Variants in ZNF827 observed in about 807,000 individuals in gnomAD.
The protein encoded by ZNF827 is zinc finger protein 827.
In ZNF827, 13 loss-of-function variants were observed where a neutral mutation model predicts 102.4. The observed-to-expected ratio is 0.13, with a 90% CI of 0.08 to 0.20. The LOEUF is 0.20. ZNF827 is among the 10% of genes least tolerant of loss of function. The pLI, the probability that ZNF827 is intolerant of heterozygous loss-of-function variation, is 1.00. For synonymous variants in ZNF827, 523 were observed against 536.2 expected (o/e 0.98, Z 0.34); for missense variants, 1,103 against 1,344.4 (o/e 0.82, Z 2.81).
chr4:145,851,804 A>G (rs979434014), intron 5 of ZNF827, among the ~76,000 whole-genome samples: 9 of 152,168 alleles, frequency 5.9e-5, no homozygotes. Context: ...AAATTTTTTT[A>G]AATAAAAAAA....
At chr4:145,809,713 C>T (rs1741829483) in intron 8 of ZNF827, among the ~76,000 whole-genome samples, 1 of 152,206 alleles carries the variant, frequency 6.6e-6, no homozygotes, top group Non-Finnish European at 1.5e-5. Context: ...CCCACCCAGA[C>T]CCATGACTCA....
At chr4:145,906,127 A>G (rs112824516) in intron 1 of ZNF827, among the ~76,000 whole-genome samples, 26 of 152,382 alleles carry the variant, frequency 1.7e-4, no homozygotes, top group Middle Eastern at 3.4e-3. Context: ...ACGACCACGT[A>G]GAGCTAATGC....
At chr4:145,825,685 A>T (rs1312857566) in intron 7 of ZNF827, among the ~76,000 whole-genome samples, 1 of 152,196 alleles carries the variant, frequency 6.6e-6, no homozygotes, top group Admixed American at 6.5e-5. Flanking sequence ...CTTGCTAAGT[A>T]GTGGCAATGG....
intron 1 of ZNF827, among the ~76,000 whole-genome samples, chr4:145,916,687 C>T (rs1333106673): frequency 6.6e-6 from 1 of 152,164 alleles, no homozygotes; most frequent in Non-Finnish European, 1.5e-5. Flanking sequence ...GGCTGAGAAT[C>T]CTTCAAATTC....
chr4:145,901,583 T>C (rs187915200), intron 2 of ZNF827, among the ~76,000 whole-genome samples: 7 of 152,344 alleles, frequency 4.6e-5, no homozygotes, highest in Admixed American at 2.6e-4. Context: ...GACAATCTTT[T>C]TGAGTTCTTA....
chr4:145,902,751 C>G lies in ZNF827; in HGVS notation c.508G>C (p.Ala170Pro), dbSNP rs1338567552. The change falls in exon 2 of 15, where the codon GCC becomes CCC. Residue 170 changes from alanine to proline, a missense_variant. This residue lies in a region of ZNF827 where 441 missense variants were observed against 458.6 expected (regional missense o/e 0.96). Coordinates refer to ENST00000508784, the MANE Select transcript of ZNF827 (RefSeq NM_001306215.2). The surrounding 1 kb of genome is among the most constrained non-coding windows in gnomAD (Gnocchi z 4.3). ...SHHAQQLSVLARKLAEKQEQN... is the reference protein window; with the variant it reads ...SHHAQQLSVLPRKLAEKQEQN... ...TCCTGCTTCTCGGCCAACTTCCTGG[C>G]CAGAACACTGAGCTGCTGGGCGTGG... The G allele has an allele frequency of 2.5e-6, 4 of 1,614,068 alleles. No homozygotes were observed. The highest frequency in any genetic ancestry group is 3.4e-6 in the Non-Finnish European group (4 of 1,180,018).
chr4:145,770,628 A>G (rs1425151168), intron 11 of ZNF827, among the ~76,000 whole-genome samples: 1 of 151,994 alleles, frequency 6.6e-6, no homozygotes, highest in Non-Finnish European at 1.5e-5. Context: ...AATACTTTGT[A>G]TTTTCCCATG....
chr4:145,930,282 A>AT (rs1753706225), intron 1 of ZNF827, among the ~76,000 whole-genome samples: 1 of 152,148 alleles, frequency 6.6e-6, no homozygotes, highest in Non-Finnish European at 1.5e-5. Flanking sequence ...GTAAAAGATC[A>AT]TTTTTTCCTG....
chr4:145,809,561 T>A (rs1741813044), intron 8 of ZNF827, among the ~76,000 whole-genome samples: 2 of 152,212 alleles, frequency 1.3e-5, no homozygotes, highest in Admixed American at 6.5e-5. Context: ...GTTTCTATAA[T>A]CCCTTACTGC....
intron 3 of ZNF827, among the ~76,000 whole-genome samples, chr4:145,888,368 A>G (rs1579483945): frequency 6.6e-6 from 1 of 152,178 alleles, no homozygotes; most frequent in East Asian, 1.9e-4. Flanking sequence ...TTCTTAGTCT[A>G]CTAAAATGAA....
At chr4:145,851,682 T>TA (rs933748009) in intron 5 of ZNF827, among the ~76,000 whole-genome samples, 8 of 152,172 alleles carry the variant, frequency 5.3e-5, no homozygotes, top group Admixed American at 5.2e-4. Flanking sequence ...GTGTGGTATT[T>TA]ACTTTAGATC....
In ZNF827 at chr4:145,815,750, G is replaced by T. The variant is rs1296779234; in HGVS notation, c.2383+7672C>A. On this transcript the variant is annotated intron_variant, in intron 8 of 14. Coordinates refer to ENST00000508784, the MANE Select transcript of ZNF827 (RefSeq NM_001306215.2). ...TTAGCCAGTCCCAAACTGAAGCCAGGGTCACTGCATTGCAATTTTCAAACA... is the reference window on the plus strand; with the variant it reads ...TTAGCCAGTCCCAAACTGAAGCCAGTGTCACTGCATTGCAATTTTCAAACA... Among the ~76,000 whole-genome samples, 4 of 152,192 alleles carry T rather than the reference G, an allele frequency of 2.6e-5. No homozygotes were observed. In the East Asian group the frequency reaches 7.7e-4, roughly 29 times the overall value.
At chr4:145,937,558 C>T (rs896875776) in intron 1 of ZNF827, among the ~76,000 whole-genome samples, 6 of 146,914 alleles carry the variant, frequency 4.1e-5, no homozygotes, top group African/African-American at 1.5e-4. Context: ...GCCCCCCGCC[C>T]GGCCGCCCCG....
chr4:145,918,353 A>C (rs1432589785), intron 1 of ZNF827, among the ~76,000 whole-genome samples: 1 of 149,732 alleles, frequency 6.7e-6, no homozygotes, highest in Non-Finnish European at 1.5e-5. Flanking sequence ...AAAAAAAAAA[A>C]AAAAAACTGG....
rs1270669131 is a variant in ZNF827 at position 145,842,728 on chromosome 4, C to G, written c.2279+3228G>C. Among the ~76,000 whole-genome samples, 3 of 152,188 alleles carry G rather than the reference C, an allele frequency of 2.0e-5. No homozygotes were observed. In the East Asian group the frequency reaches 5.8e-4, roughly 29 times the overall value. On this transcript the variant is annotated intron_variant, in intron 7 of 14. Transcript: ENST00000508784. ...TGAGAAAGGCAAGGGAAGGTTTGATCTCAGTGCTGTGCTCAGGCCTGCCCT... is the reference window on the plus strand; with the variant it reads ...TGAGAAAGGCAAGGGAAGGTTTGATGTCAGTGCTGTGCTCAGGCCTGCCCT...
At chr4:145,900,274 T>A (rs1751309573) in intron 2 of ZNF827, among the ~76,000 whole-genome samples, 1 of 152,226 alleles carries the variant, frequency 6.6e-6, no homozygotes, top group Non-Finnish European at 1.5e-5. Flanking sequence ...AAGTCTTCAA[T>A]CAACTAAAGT....
At chr4:145,826,223 A>G (rs1008045811) in intron 7 of ZNF827, among the ~76,000 whole-genome samples, 11 of 152,260 alleles carry the variant, frequency 7.2e-5, no homozygotes, top group African/African-American at 1.2e-4. Context: ...TGGACAATCA[A>G]TAACCCCTCT....
intron 7 of ZNF827, among the ~76,000 whole-genome samples, chr4:145,840,143 T>G (rs1281265088): frequency 2.0e-5 from 3 of 152,234 alleles, no homozygotes; most frequent in Non-Finnish European, 4.4e-5. Context: ...TCTGTGTGTG[T>G]GTATCTCCAT....
rs558519653 is a variant in ZNF827 at position 145,798,494 on chromosome 4, C to T, written c.2384-18983G>A. On this transcript the variant is annotated intron_variant, in intron 8 of 14. Coordinates refer to ENST00000508784, the MANE Select transcript of ZNF827 (RefSeq NM_001306215.2). Reference sequence around the variant, plus strand: ...CAGCCTGGCCAATGTGGTGAAACCTCGTCTCCACTAAAAATACAAAAATTA... The same window carrying T: ...CAGCCTGGCCAATGTGGTGAAACCTTGTCTCCACTAAAAATACAAAAATTA... Among the ~76,000 whole-genome samples, 6 of 152,156 alleles carry T rather than the reference C, an allele frequency of 3.9e-5. No homozygotes were observed. The South Asian group carries it at 1.2e-3, about 32-fold the overall frequency.
Sources: gnomAD v4.1 joint callset for allele counts (sites outside exome capture counted in the v4.1 genomes callset) on GRCh38, gnomAD v4.1.1 for gene constraint, gnomAD v4.1.1 regional missense constraint, Gnocchi (gnomAD v3.1) non-coding constraint, MANE v1.5 for transcripts, NCBI Gene and HGNC (gene_info 2026-07-23, HGNC 2026-07-21) for gene names.